ZNF729: variants seen among roughly 807,000 people sequenced by gnomAD.
The protein encoded by ZNF729 is zinc finger protein 729.
Under a neutral mutation model 12.2 loss-of-function variants are expected in ZNF729, and 15 were observed. That is an observed-to-expected ratio of 1.23 (90% CI 0.82 to 1.89). The LOEUF (loss-of-function observed/expected upper bound fraction) is 1.89. Among genes scored for constraint, ZNF729 ranks in the 40% most tolerant of loss-of-function variants. The probability of loss-of-function intolerance (pLI) is 0.00; values close to 1 mark genes in which losing one functional copy is unlikely to be tolerated. For missense variants in ZNF729, 1,540 were observed against 1,456.7 expected (o/e 1.06, Z -0.93); for synonymous variants, 492 against 476.3 (o/e 1.03, Z -0.43).
At chr19:22,301,222 C>G (rs747250520) in intron 1 of ZNF729, among the ~76,000 whole-genome samples, 1 of 152,172 alleles carries the variant, frequency 6.6e-6, no homozygotes. Context: ...TATCAACCCA[C>G]TCTCTGTCCA....
rs531509529 is a variant in ZNF729 at position 22,289,378 on chromosome 19, A to G, written c.30+2823A>G. ...CTAGCTGGGACTACAGGCGCCCGCC[A>G]CCACACCCGGCTAATTTTTTGTATT... is the stretch of plus-strand genomic sequence containing the variant. On this transcript the variant is annotated intron_variant, in intron 1 of 3. Transcript: ENST00000601693. Among the ~76,000 whole-genome samples, 145 of 151,998 alleles carry G rather than the reference A, an allele frequency of 9.5e-4. 1 individual carries two copies. Among genetic ancestry groups the G allele is most frequent in the Non-Finnish European group, 1.7e-3 (116 of 67,982 alleles).
Position 22,286,499 on chromosome 19 carries a change from T to G in ZNF729, c.-27T>G. On this transcript the variant is annotated 5_prime_UTR_variant, in exon 1 of 4. Transcript: ENST00000601693. ...CCTCAGCCTCTGTGGCCCTGTAACCTGCGGCATTGGAAGATCCACAGCTAA... is the reference window on the plus strand; with the variant it reads ...CCTCAGCCTCTGTGGCCCTGTAACCGGCGGCATTGGAAGATCCACAGCTAA... The G allele has an allele frequency of 1.2e-6, 2 of 1,612,478 alleles. No individual in the cohort carries two copies. The highest frequency in any genetic ancestry group is 1.7e-6 in the Non-Finnish European group (2 of 1,179,820).
chr19:22,311,095 T>A (rs1968444623), intron 3 of ZNF729, among the ~76,000 whole-genome samples: 2 of 152,154 alleles, frequency 1.3e-5, no homozygotes, highest in Admixed American at 1.3e-4. Flanking sequence ...TTGGTTAATC[T>A]TGCTTATGGT....
chr19:22,308,163 A>G (rs1053702252), intron 3 of ZNF729, among the ~76,000 whole-genome samples: 1 of 152,094 alleles, frequency 6.6e-6, no homozygotes, highest in Non-Finnish European at 1.5e-5. Flanking sequence ...ATAGTCTCCA[A>G]TCTCATCCAT....
In ZNF729 at chr19:22,303,749, GTT is replaced by G; in HGVS notation, c.31-5_31-4del. On this transcript the variant is annotated splice_region_variant and splice_polypyrimidine_tract_variant and intron_variant, in intron 1 of 3. Transcript: ENST00000601693. ...GAAATGTATATGTGTCTTTCGTTGT[GTT>G]TTTCAGGGACCATTGACATTTAGAG... The G allele has an allele frequency of 6.5e-7, 1 of 1,544,002 alleles. No homozygotes were observed. The highest frequency in any genetic ancestry group is 1.1e-5 in the South Asian group (1 of 87,948).
chr19:22,292,070 G>T (rs1313620473), intron 1 of ZNF729, among the ~76,000 whole-genome samples: 4 of 152,082 alleles, frequency 2.6e-5, no homozygotes, highest in African/African-American at 4.8e-5. Context: ...TTGATTCAGG[G>T]GTACATGTGC....
In ZNF729 at chr19:22,303,794, T is replaced by A; in HGVS notation, c.67T>A (p.Ser23Thr). The A allele has an allele frequency of 6.3e-7, 1 of 1,574,978 alleles. No individual in the cohort carries two copies. The highest frequency in any genetic ancestry group is 8.7e-7 in the Non-Finnish European group (1 of 1,155,664). ...ATTTAGAGATGTGACCATAGAATTC[T>A]CTCTGGAGGAGTGGCAATGCCTGGA... ...LTFRDVTIEF[S>T]LEEWQCLDTV... Residue 23 changes from serine (S) to threonine (T), a missense_variant, in exon 2 of 4, where the codon TCT (serine) becomes ACT (threonine). By Grantham distance (58) the Ser-to-Thr change is moderately conservative. Transcript: ENST00000601693.
At chr19:22,292,710 G>A (rs1474470780) in intron 1 of ZNF729, among the ~76,000 whole-genome samples, 1 of 152,076 alleles carries the variant, frequency 6.6e-6, no homozygotes, top group Non-Finnish European at 1.5e-5. Context: ...CAGAGTGCTG[G>A]AACTACAGGC....
At chr19:22,305,655 T>C (rs538496342) in intron 3 of ZNF729, among the ~76,000 whole-genome samples, 105 of 152,332 alleles carry the variant, frequency 6.9e-4, no homozygotes, top group Admixed American at 1.5e-3. Context: ...TCTCACCCAA[T>C]TGTGGCTACT....
At chr19:22,300,095 G>A (rs1968285573) in intron 1 of ZNF729, among the ~76,000 whole-genome samples, 1 of 152,190 alleles carries the variant, frequency 6.6e-6, no homozygotes, top group African/African-American at 2.4e-5. Flanking sequence ...AACCATTTTT[G>A]TAGGAGATTG....
rs1568578203 is a variant in ZNF729, at chr19:22,315,649, A to G, written c.2232A>G (p.Glu744=). The change falls in exon 4 of 4, where the codon GAA becomes GAG. Residue 744 remains glutamate (E), a synonymous_variant. Coordinates refer to ENST00000601693, the MANE Select transcript of ZNF729 (RefSeq NM_001242680.2). The stretch of plus-strand genomic sequence containing the variant: ...CAGAGAAACCCTGCAAATGTGAAGA[A>G]TGTGGCAAATCTTTTAAGCATTTCT... The part of the protein sequence containing the change: ...HTAEKPCKCE[E]CGKSFKHFSA... 3.7e-6 allele frequency: 6 copies of G among 1,608,886 alleles called. No individual in the cohort carries two copies. Among genetic ancestry groups the G allele is most frequent in the Non-Finnish European group, 4.2e-6 (5 of 1,179,352 alleles).
At chr19:22,312,955 C>G (rs1347804050) in intron 3 of ZNF729, among the ~76,000 whole-genome samples, 1 of 152,114 alleles carries the variant, frequency 6.6e-6, no homozygotes, top group African/African-American at 2.4e-5. Context: ...TCAGGTGATC[C>G]GCCCACCTCG....
chr19:22,287,202 T>C (rs1340744539), intron 1 of ZNF729, among the ~76,000 whole-genome samples: 1 of 151,932 alleles, frequency 6.6e-6, no homozygotes, highest in African/African-American at 2.4e-5. Context: ...TATAGTTGGT[T>C]AAGCCTGAGT....
At position 22,314,415 on chromosome 19, in the gene ZNF729, C is replaced by G; in HGVS notation, c.998C>G (p.Ser333Ter). The G allele has an allele frequency of 6.3e-7, 1 of 1,591,182 alleles. No homozygotes were observed. Among genetic ancestry groups the G allele is most frequent in the Non-Finnish European group, 8.6e-7 (1 of 1,166,034 alleles). ...TGTGGCAAAACTTTTAACCATTTCTCAGCCCTTAGAAAACATAAGATAATT... is the reference window on the plus strand; with the variant it reads ...TGTGGCAAAACTTTTAACCATTTCTGAGCCCTTAGAAAACATAAGATAATT... Reference protein sequence around the residue: ...EDCGKTFNHFSALRKHKIIHT... With the variant: ...EDCGKTFNHF Residue 333 changes from serine to a stop codon, truncating the protein, a stop_gained, in exon 4 of 4, where the codon TCA (serine) becomes TGA (stop). Transcript: ENST00000601693. LOFTEE classifies it low-confidence loss of function (END_TRUNC).
At chr19:22,288,859 A>G (rs148637243) in intron 1 of ZNF729, among the ~76,000 whole-genome samples, 29 of 152,106 alleles carry the variant, frequency 1.9e-4, no homozygotes, top group African/African-American at 7.0e-4. Context: ...TGAAATCAAA[A>G]ATAATATCCC....
chr19:22,311,914 G>A (rs113010780), intron 3 of ZNF729, among the ~76,000 whole-genome samples: 3,790 of 152,118 alleles, frequency 0.025, 153 homozygotes, highest in African/African-American at 0.087. Context: ...ATATGTTCCT[G>A]TTGTACAAGA....
Position 22,315,113 on chromosome 19 carries a change from C to G in ZNF729, c.1696C>G (p.His566Asp), listed in dbSNP as rs1262802351. Residue 566 changes from histidine to aspartate, a missense_variant, in exon 4 of 4, where the codon CAT (histidine) becomes GAT (aspartate). Physicochemically the swap from His to Asp is moderately conservative, Grantham distance 81 (BLOSUM62 -1). Transcript: ENST00000601693. Reference sequence around the variant, plus strand: ...AAAACTTACTGTACATAAGGTAATTCATACTGGAGAGAAACCCTGCAAATG... The same window carrying G: ...AAAACTTACTGTACATAAGGTAATTGATACTGGAGAGAAACCCTGCAAATG... ...SSKLTVHKVI[H>D]TGEKPCKCEE... The G allele has an allele frequency of 3.1e-6, 5 of 1,610,768 alleles. No homozygotes were observed. The Admixed American group carries it at 6.7e-5, about 22-fold the overall frequency.
chr19:22,312,478 T>TGTGTGTGTGTG (rs1568576354), intron 3 of ZNF729, among the ~76,000 whole-genome samples: 27 of 102,422 alleles, frequency 2.6e-4, no homozygotes, highest in African/African-American at 1.3e-3. Flanking sequence ...GTGTGTGTGT[T>TGTGTGTGTGTG]TAGATAAAGA....
Position 22,316,677 on chromosome 19 carries a change from A to T in ZNF729, c.3260A>T (p.His1087Leu). Residue 1087 changes from histidine to leucine, a missense_variant, in exon 4 of 4, where the codon CAT becomes CTT. By Grantham distance (99) the His-to-Leu change is moderately conservative (BLOSUM62 -3). Coordinates refer to ENST00000601693, the MANE Select transcript of ZNF729 (RefSeq NM_001242680.2). ...KCEECDKAFK[H>L]FSALRKHKVI... ...GAAGAATGTGACAAAGCTTTTAAGC[A>T]TTTCTCAGCCCTTAGAAAACATAAG... is the stretch of plus-strand genomic sequence containing the variant. 2 of 1,612,754 alleles carry T rather than the reference A, an allele frequency of 1.2e-6. No homozygotes were observed. The highest frequency in any genetic ancestry group is 1.7e-6 in the Non-Finnish European group (2 of 1,179,752).
Sources: allele counts gnomAD v4.1 joint callset (sites outside exome capture counted in the v4.1 genomes callset), GRCh38; gene constraint gnomAD v4.1.1; transcripts MANE v1.5; gene names NCBI Gene and HGNC (gene_info 2026-07-23, HGNC 2026-07-21).